ZBTB45: variants seen among roughly 807,000 people sequenced by gnomAD.
ZBTB45 encodes zinc finger and BTB domain containing 45.
In ZBTB45, 22 loss-of-function variants were observed where a neutral mutation model predicts 28.4. That is an observed-to-expected ratio of 0.77 (90% confidence interval 0.55 to 1.10). ZBTB45 has a LOEUF of 1.10. ZBTB45 is among the 50% of genes least tolerant of loss of function. The pLI is 0.00. For missense variants in ZBTB45, 656 were observed against 750.2 expected, an observed-to-expected ratio of 0.87 and a Z score of 1.47; for synonymous variants, 361 against 332.3, an observed-to-expected ratio of 1.09 and a Z score of -0.94.
At chr19:58,534,717 T>C (rs187081658) in intron 1 of ZBTB45, among the ~76,000 whole-genome samples, 32 of 151,180 alleles carry the variant, frequency 2.1e-4, no homozygotes, top group Middle Eastern at 3.5e-3. Context: ...CCACCACGCC[T>C]GGCTAATTTT....
intron 1 of ZBTB45, among the ~76,000 whole-genome samples, chr19:58,535,297 C>T (rs2053654728): frequency 6.6e-6 from 1 of 152,038 alleles, no homozygotes; most frequent in Non-Finnish European, 1.5e-5. Context: ...TGAGCCACTG[C>T]ACCCGGCCTG....
Position 58,516,056 on chromosome 19 carries a change from C to G in ZBTB45, c.1279+339G>C, listed in dbSNP as rs534647405. 6.6e-6 allele frequency among the ~76,000 whole-genome samples: 1 copy of G among 152,240 alleles called. No homozygotes were observed. The highest frequency in any genetic ancestry group is 2.1e-4 in the South Asian group (1 of 4,824). ...CAGGAGGCTCCCTGGAGCATAGTTTCCCAACCTGCCAGGACCTCCTGCCAA... is the reference window on the plus strand; with the variant it reads ...CAGGAGGCTCCCTGGAGCATAGTTTGCCAACCTGCCAGGACCTCCTGCCAA... On this transcript the variant is annotated intron_variant, in intron 2 of 2. Coordinates refer to ENST00000594051, the MANE Select transcript of ZBTB45 (RefSeq NM_001316979.2). This position sits in a 1 kb window ranked among gnomAD's most constrained non-coding sequence, Gnocchi z 6.2.
upstream of ZBTB45, among the ~76,000 whole-genome samples, chr19:58,520,914 T>C (rs1248372197): frequency 6.8e-6 from 1 of 147,920 alleles, no homozygotes; most frequent in African/African-American, 2.5e-5. Flanking sequence ...TAGCTGGGCG[T>C]GGTGGCAGGC....
In ZBTB45 at chr19:58,516,852, C is replaced by G; in HGVS notation, c.822G>C (p.Arg274=). ...ATACGTCCTCAGCTGACCCAGCTCC[C>G]CGAAGAAAATCTCTCCCGGCACCAC... ...DYSGAGRDFL[R]GAGSAEDVFP... is the part of the protein sequence containing the mutation. Residue 274 remains arginine, a synonymous_variant, in exon 2 of 3, where the codon CGG becomes CGC. Transcript: ENST00000594051. This position sits in a 1 kb window ranked among gnomAD's most constrained non-coding sequence, Gnocchi z 6.2. 6.2e-7 allele frequency: 1 copy of G among 1,613,566 alleles called. No individual in the cohort carries two copies. The highest frequency in any genetic ancestry group is 8.5e-7 in the Non-Finnish European group (1 of 1,180,028).
At chr19:58,535,990 G>C (rs138728183) in intron 1 of ZBTB45, among the ~76,000 whole-genome samples, 1 of 152,256 alleles carries the variant, frequency 6.6e-6, no homozygotes, top group East Asian at 1.9e-4. Flanking sequence ...GCCCTGAGTT[G>C]AGGACAACAG....
chr19:58,536,457 C>A (rs1163654918), intron 1 of ZBTB45, among the ~76,000 whole-genome samples: 1 of 138,152 alleles, frequency 7.2e-6, no homozygotes, highest in Non-Finnish European at 1.5e-5. Context: ...CAGAGGGAGA[C>A]GCCGTCTCAA....
In ZBTB45 at chr19:58,517,531, C is replaced by T; in HGVS notation, c.143G>A (p.Arg48His). 2 of 1,613,554 alleles carry T rather than the reference C, an allele frequency of 1.2e-6. No individual in the cohort carries two copies. Among genetic ancestry groups the T allele is most frequent in the Non-Finnish European group, 1.7e-6 (2 of 1,179,964 alleles). The part of the protein sequence containing the change: ...RIREASLRAH[R>H]CVLAAGSPFF... ...GGGTGAGCCGGCCGCCAGCACGCAGCGGTGGGCACGCAGCGAAGCTTCACG... is the reference window on the plus strand; with the variant it reads ...GGGTGAGCCGGCCGCCAGCACGCAGTGGTGGGCACGCAGCGAAGCTTCACG... The change falls in exon 2 of 3, where the codon CGC (arginine) becomes CAC (histidine). Residue 48 changes from arginine (R) to histidine (H), a missense_variant. Physicochemically the swap from Arg to His is conservative, Grantham distance 29. This residue lies in a region of ZBTB45 where 105 missense variants were observed against 152.4 expected (regional missense o/e 0.69). Coordinates refer to ENST00000594051, the MANE Select transcript of ZBTB45 (RefSeq NM_001316979.2).
At position 58,514,252 on chromosome 19, in the gene ZBTB45, C is replaced by G. The variant is rs763765453; in HGVS notation, c.1338G>C (p.Leu446=). ...CWRSFSLRDY[L]LKHMVTHTGV... is the part of the protein sequence containing the mutation. ...CGGTGTGCGTGACCATGTGTTTGAG[C>G]AGGTAGTCGCGTAGAGAGAAGGATC... The change falls in exon 3 of 3, where the codon CTG becomes CTC. Residue 446 remains leucine, a synonymous_variant. Coordinates refer to ENST00000594051, the MANE Select transcript of ZBTB45 (RefSeq NM_001316979.2). 173 of 1,611,818 alleles carry G rather than the reference C, an allele frequency of 1.1e-4. No homozygotes were observed. Among genetic ancestry groups the G allele is most frequent in the Admixed American group, 2.2e-4 (13 of 59,932 alleles).
chr19:58,516,855 A>G lies in ZBTB45; in HGVS notation c.819T>C (p.Leu273=), dbSNP rs1449653965. Residue 273 remains leucine (L), a synonymous_variant, in exon 2 of 3, where the codon CTT becomes CTC. Transcript: ENST00000594051. The surrounding 1 kb of genome is among the most constrained non-coding windows in gnomAD (Gnocchi z 6.2). The part of the protein sequence containing the change: ...ADYSGAGRDF[L]RGAGSAEDVF... The stretch of plus-strand genomic sequence containing the variant: ...CGTCCTCAGCTGACCCAGCTCCCCG[A>G]AGAAAATCTCTCCCGGCACCACTGT... The G allele has an allele frequency of 6.2e-7, 1 of 1,613,508 alleles. No homozygotes were observed. The highest frequency in any genetic ancestry group is 8.5e-7 in the Non-Finnish European group (1 of 1,180,004).
In ZBTB45 at chr19:58,517,091, C is replaced by T. The variant is rs1379965245; in HGVS notation, c.583G>A (p.Ala195Thr). Residue 195 changes from alanine (A) to threonine (T), a missense_variant, in exon 2 of 3, where the codon GCT (alanine) becomes ACT (threonine). Around this residue, in one of 3 missense-constraint regions of ZBTB45, gnomAD observed 448 missense variants for 444.3 expected, o/e 1.01. Transcript: ENST00000594051. ...PTPAKAEGPDADPSLSAAPDD... is the reference protein window; with the variant it reads ...PTPAKAEGPDTDPSLSAAPDD... ...GGGGCCGCGGACAGTGAGGGGTCAG[C>T]ATCAGGCCCCTCAGCCTTGGCAGGT... 2.5e-6 allele frequency: 4 copies of T among 1,613,144 alleles called. No homozygotes were observed. In the South Asian group the frequency reaches 4.4e-5, roughly 18 times the overall value.
chr19:58,514,383 C>CT (rs2053461834), intron 2 of ZBTB45, 73 bp from the exon 3 acceptor site: 1 of 1,321,170 alleles, frequency 7.6e-7, no homozygotes. Flanking sequence ...ACCCCACCCC[C>CT]ACCTGGGCTC....
chr19:58,521,051 CAAAAAAAAAAAAA>C (rs71190053), upstream of ZBTB45, among the ~76,000 whole-genome samples: 6 of 27,822 alleles, frequency 2.2e-4, no homozygotes, highest in African/African-American at 8.2e-4. Flanking sequence ...GACTCCGTCT[CAAAAAAAAAAAAA>C]AAAAAAAAAA....
intron 1 of ZBTB45, among the ~76,000 whole-genome samples, chr19:58,533,119 A>T (rs2122596246): frequency 6.6e-6 from 1 of 152,268 alleles, no homozygotes; most frequent in African/African-American, 2.4e-5. Flanking sequence ...TACAGGCGTG[A>T]GCCACCACGT....
rs544529185 is a variant in ZBTB45 at position 58,518,706 on chromosome 19, C to T, written c.1-1033G>A. Among the ~76,000 whole-genome samples the T allele has an allele frequency of 3.9e-5, 6 of 152,192 alleles. No homozygotes were observed. In the East Asian group the frequency reaches 9.7e-4, roughly 24 times the overall value. On this transcript the variant is annotated intron_variant, in intron 1 of 2. Transcript: ENST00000594051. ...AAACCGTGATCCTTCGGCCTGTTTC[C>T]CCTTCTATCAAACAAGGGATGAGAT...
chr19:58,527,617 C>G (rs2053614718), intron 1 of ZBTB45, among the ~76,000 whole-genome samples: 1 of 152,168 alleles, frequency 6.6e-6, no homozygotes, highest in Admixed American at 6.6e-5. Flanking sequence ...TCAGGAGTGG[C>G]TAGTCTGAGA....
At chr19:58,527,480 T>C (rs2053613975) in intron 1 of ZBTB45, among the ~76,000 whole-genome samples, 1 of 152,198 alleles carries the variant, frequency 6.6e-6, no homozygotes. Context: ...TGACATTTCC[T>C]ATCAGTGGAA....
chr19:58,530,960 G>C (rs1234231628), intron 1 of ZBTB45, among the ~76,000 whole-genome samples: 1 of 152,194 alleles, frequency 6.6e-6, no homozygotes, highest in East Asian at 1.9e-4. Flanking sequence ...TAGGATTACA[G>C]GAGTGAGCCA....
chr19:58,513,907 G>A lies in ZBTB45; in HGVS notation c.*147C>T, dbSNP rs1044429763. On this transcript the variant is annotated 3_prime_UTR_variant, in exon 3 of 3. Coordinates refer to ENST00000594051, the MANE Select transcript of ZBTB45 (RefSeq NM_001316979.2). ...AGGAGTAAGGCGGACTTAGGCCCTG[G>A]TATGGAGAAAGGGTGAAGGGAGAGA... The A allele has an allele frequency of 9.9e-7, 1 of 1,013,344 alleles. No homozygotes were observed. Among genetic ancestry groups the A allele is most frequent in the Non-Finnish European group, 1.3e-6 (1 of 759,016 alleles). 62.8% of individuals were successfully genotyped at this position (1,013,344 alleles called of 1,614,324 possible).
intron 1 of ZBTB45, among the ~76,000 whole-genome samples, chr19:58,530,188 G>T (rs2053628465): frequency 6.8e-6 from 1 of 147,896 alleles, no homozygotes; most frequent in East Asian, 2.0e-4. Context: ...TGATGACAGA[G>T]ACCTTGCCAT....
Sources: allele counts gnomAD v4.1 joint callset (sites outside exome capture counted in the v4.1 genomes callset), GRCh38; gene constraint gnomAD v4.1.1; regional missense constraint gnomAD v4.1.1; non-coding constraint Gnocchi (gnomAD v3.1); transcripts MANE v1.5; gene names NCBI Gene and HGNC (gene_info 2026-07-23, HGNC 2026-07-21).